Variants in DOCK4 observed in about 807,000 individuals in gnomAD.
DOCK4 encodes the protein dedicator of cytokinesis 4.
Under a neutral mutation model 268.1 loss-of-function variants are expected in DOCK4, and 97 were observed. That is an observed-to-expected ratio of 0.36 (90% CI 0.31 to 0.43). DOCK4 has a LOEUF of 0.43. Among genes scored for constraint, DOCK4 ranks in the 20% least tolerant of loss-of-function variants. The pLI is 1.00. For missense variants in DOCK4, 2,145 were observed against 2,455.7 expected (o/e 0.87, Z 2.67); for synonymous variants, 954 against 887.2 (o/e 1.08, Z -1.34).
intron 32 of DOCK4, 53 bp downstream of exon 32, chr7:111,788,609 C>T: frequency 2.0e-6 from 3 of 1,463,608 alleles, no homozygotes; most frequent in Non-Finnish European, 1.9e-6. Flanking sequence ...AGGCTCAGTA[C>T]TGACACCAAA....
At chr7:111,984,213 A>G (rs913519888) in intron 7 of DOCK4, 93 bp downstream of exon 7, 1 of 1,138,186 alleles carries the variant, frequency 8.8e-7, no homozygotes, top group Non-Finnish European at 1.3e-6. Flanking sequence ...ATCCTGGAAC[A>G]TCCTGTTCTT....
At chr7:112,172,175 G>C (rs1818143969) in intron 1 of DOCK4, among the ~76,000 whole-genome samples, 1 of 152,206 alleles carries the variant, frequency 6.6e-6, no homozygotes, top group African/African-American at 2.4e-5. Context: ...GAAATTTAAA[G>C]CAAATATTCC....
intron 13 of DOCK4, among the ~76,000 whole-genome samples, chr7:111,911,545 T>C (rs1252750132): frequency 6.6e-6 from 1 of 152,102 alleles, no homozygotes; most frequent in African/African-American, 2.4e-5. Context: ...TACAGACACA[T>C]GTCTGAAAGA....
intron 23 of DOCK4, among the ~76,000 whole-genome samples, chr7:111,856,858 C>T (rs76224809): frequency 0.017 from 2,568 of 152,226 alleles, 65 homozygotes; most frequent in African/African-American, 0.055. Context: ...TATACTTTTA[C>T]ATTAGATCAT....
intron 8 of DOCK4, 110 bp downstream of exon 8, chr7:111,977,022 A>C: frequency 1.6e-6 from 2 of 1,286,912 alleles, no homozygotes; most frequent in Non-Finnish European, 2.1e-6. Flanking sequence ...GAGAAAATTG[A>C]AGCTGACGGA....
chr7:111,821,398 G>A (rs1370334311), intron 27 of DOCK4: 1 of 152,218 alleles, frequency 6.6e-6, no homozygotes, highest in Non-Finnish European at 1.5e-5. Flanking sequence ...TAATGAAATA[G>A]GGTAAATAAC....
chr7:111,788,747 C>T lies in DOCK4; in HGVS notation c.3316G>A (p.Val1106Met), dbSNP rs1256704286. The T allele has an allele frequency of 3.2e-6, 5 of 1,583,986 alleles. No homozygotes were observed. The highest frequency in any genetic ancestry group is 1.2e-5 in the South Asian group (1 of 86,800). ...AGTTTGTCAATTAGCTTGGCTTCCA[C>T]CTGAAACATACCCAACTATTATTCT... ...EQRRSGNFKQVEAKLIDKLDS... is the reference protein window; with the variant it reads ...EQRRSGNFKQMEAKLIDKLDS... Residue 1106 changes from valine (V) to methionine (M), a missense_variant and splice_region_variant, in exon 32 of 53, where the codon GTG (valine) becomes ATG (methionine). By Grantham distance (21) the Val-to-Met change is conservative. This residue lies in a region of DOCK4 where 1,598 missense variants were observed against 1,986.7 expected (regional missense o/e 0.80). Coordinates refer to ENST00000428084, the MANE Select transcript of DOCK4 (RefSeq NM_001363540.2).
At chr7:112,063,410 C>T (rs1414883957) in intron 1 of DOCK4, among the ~76,000 whole-genome samples, 1 of 152,176 alleles carries the variant, frequency 6.6e-6, no homozygotes, top group African/African-American at 2.4e-5. Flanking sequence ...ATACACTTAA[C>T]CTACTGAACA....
rs142618795 is a variant in DOCK4 at position 112,069,907 on chromosome 7, C to T, written c.38-65776G>A. On this transcript the variant is annotated intron_variant, in intron 1 of 52. Coordinates refer to ENST00000428084, the MANE Select transcript of DOCK4 (RefSeq NM_001363540.2). ...AGCAAAGGATGGAAACAAAAGGGCA[C>T]GTGCAGCCATGGGAAGAGAGTTACA... is the stretch of plus-strand genomic sequence containing the variant. Among the ~76,000 whole-genome samples the T allele has an allele frequency of 7.2e-4, 110 of 152,238 alleles. No homozygotes were observed. In the East Asian group the frequency reaches 0.018, roughly 25 times the overall value.
At chr7:111,949,056 T>C (rs1795850427) in intron 8 of DOCK4, among the ~76,000 whole-genome samples, 1 of 152,186 alleles carries the variant, frequency 6.6e-6, no homozygotes, top group Admixed American at 6.5e-5. Flanking sequence ...AGTAATCAGT[T>C]ACCTACTAAT....
intron 1 of DOCK4, among the ~76,000 whole-genome samples, chr7:112,094,367 A>C (rs1473285859): frequency 2.0e-5 from 3 of 152,216 alleles, no homozygotes; most frequent in Non-Finnish European, 4.4e-5. Context: ...TTCCCAAATG[A>C]TAGTTATATC....
At chr7:111,975,114 A>G (rs1162090387) in intron 8 of DOCK4, among the ~76,000 whole-genome samples, 3 of 152,174 alleles carry the variant, frequency 2.0e-5, no homozygotes, top group Non-Finnish European at 4.4e-5. Flanking sequence ...TAAAAATACA[A>G]AAATTAGCTG....
intron 23 of DOCK4, among the ~76,000 whole-genome samples, chr7:111,849,472 AG>A (rs1367787154): frequency 2.6e-5 from 4 of 152,108 alleles, no homozygotes; most frequent in Non-Finnish European, 4.4e-5. Context: ...CATGTTGGCC[AG>A]GCTGGTCTTG....
chr7:111,815,832 A>C (rs1563543208), intron 27 of DOCK4, among the ~76,000 whole-genome samples: 1 of 151,730 alleles, frequency 6.6e-6, no homozygotes, highest in African/African-American at 2.4e-5. Context: ...CCACTGCGCC[A>C]GCTAATTTTT....
At chr7:111,901,171 T>TA (rs1264692932) in intron 14 of DOCK4, among the ~76,000 whole-genome samples, 1 of 151,934 alleles carries the variant, frequency 6.6e-6, no homozygotes, top group Non-Finnish European at 1.5e-5. Context: ...CTGTCTCTAC[T>TA]AAAAATACAA....
intron 1 of DOCK4, among the ~76,000 whole-genome samples, chr7:112,139,068 T>C (rs1233868084): frequency 6.6e-6 from 1 of 152,148 alleles, no homozygotes; most frequent in Non-Finnish European, 1.5e-5. Flanking sequence ...TCTGTGGCAT[T>C]TTGTGACAGT....
intron 16 of DOCK4, among the ~76,000 whole-genome samples, chr7:111,887,376 T>C (rs1807931029): frequency 6.6e-6 from 1 of 152,136 alleles, no homozygotes; most frequent in Admixed American, 6.5e-5. Flanking sequence ...ATGGATGAGA[T>C]GGATCTAGAG....
chr7:112,119,921 C>A (rs1812575025), intron 1 of DOCK4, among the ~76,000 whole-genome samples: 1 of 151,216 alleles, frequency 6.6e-6, no homozygotes, highest in African/African-American at 2.4e-5. Flanking sequence ...GATCTCGGCT[C>A]ACTGCAACCT....
rs370796566 is a variant in DOCK4 at position 111,863,346 on chromosome 7, A to G, written c.2473+26T>C. The G allele has an allele frequency of 3.3e-5, 54 of 1,613,820 alleles. No homozygotes were observed. The East Asian group carries it at 6.7e-4, about 20-fold the overall frequency. On this transcript the variant is annotated intron_variant, in intron 23 of 52. Coordinates refer to ENST00000428084, the MANE Select transcript of DOCK4 (RefSeq NM_001363540.2). Reference sequence around the variant, plus strand: ...ATACAAAATGGCTTTTCAGAGGCACAATTTCCTCCAAGAGACTCACCCTAC... The same window carrying G: ...ATACAAAATGGCTTTTCAGAGGCACGATTTCCTCCAAGAGACTCACCCTAC...
Sources: allele counts gnomAD v4.1 joint callset (sites outside exome capture counted in the v4.1 genomes callset), GRCh38; gene constraint gnomAD v4.1.1; regional missense constraint gnomAD v4.1.1; transcripts MANE v1.5; gene names NCBI Gene and HGNC (gene_info 2026-07-23, HGNC 2026-07-21).